The following BBS1 variants were observed in gnomAD, a reference collection of about 807,000 sequenced individuals.
The protein encoded by BBS1 is Bardet-Biedl syndrome 1.
BBS1 carries 60 observed loss-of-function variants against 73.9 expected under a neutral mutation model. That is an observed-to-expected ratio of 0.81 (90% confidence interval 0.66 to 1.01). The LOEUF is 1.01. BBS1 is among the 50% of genes least tolerant of loss of function. BBS1 has a pLI of 0.00. For missense variants in BBS1, 718 were observed against 770.3 expected (o/e 0.93, Z 0.80); for synonymous variants, 283 against 317.4 (o/e 0.89, Z 1.15).
At chr11:66,511,166 G>C in intron 2 of BBS1, 39 bp from the exon 3 acceptor site, 3 of 1,614,058 alleles carry the variant, frequency 1.9e-6, no homozygotes, top group Non-Finnish European at 2.5e-6. Context: ...GAAGCCTCTG[G>C]GATTCTGAGA....
chr11:66,520,485 C>G (rs1357318093), intron 8 of BBS1: 1 of 153,292 alleles, frequency 6.5e-6, no homozygotes, highest in African/African-American at 2.4e-5. Flanking sequence ...GGGTATCACC[C>G]TGTTGGCCAG....
chr11:66,530,447 C>G (rs891392303), intron 14 of BBS1, among the ~76,000 whole-genome samples: 1 of 152,110 alleles, frequency 6.6e-6, no homozygotes, highest in African/African-American at 2.4e-5. Context: ...GGGCTCGGAC[C>G]AGCCCTAAAT....
In BBS1 at chr11:66,526,735, A is replaced by G; in HGVS notation, c.1267A>G (p.Met423Val). The G allele has an allele frequency of 6.2e-7, 1 of 1,614,248 alleles. No homozygotes were observed. The highest frequency in any genetic ancestry group is 8.5e-7 in the Non-Finnish European group (1 of 1,180,036). The change falls in exon 13 of 17, where the codon ATG becomes GTG. Residue 423 changes from methionine (M) to valine (V), a missense_variant. Coordinates refer to ENST00000318312, the MANE Select transcript of BBS1 (RefSeq NM_024649.5). ...SEVGPPPAQA[M>V]KLNVPRKTRL... ...GGTGGGTCCCCCACCAGCCCAGGCC[A>G]TGAAACTCAATGTGCCCCGAAAGAC...
At chr11:66,526,619 C>A (rs1856507664) in intron 12 of BBS1, 30 bp from the exon 13 acceptor site, 2 of 1,614,020 alleles carry the variant, frequency 1.2e-6, no homozygotes, top group African/African-American at 2.7e-5. Flanking sequence ...CTGGGGAGGA[C>A]AAATCCATTT....
intron 5 of BBS1, 35 bp downstream of exon 5, chr11:66,515,621 C>A: frequency 6.2e-7 from 1 of 1,614,210 alleles, no homozygotes; most frequent in Non-Finnish European, 8.5e-7. Context: ...ACCCCCCTCA[C>A]TCCTTCATCC....
chr11:66,530,925 C>G lies in BBS1; in HGVS notation c.1505C>G (p.Thr502Arg). 1 of 1,614,232 alleles carries G rather than the reference C, an allele frequency of 6.2e-7. No individual in the cohort carries two copies. The highest frequency in any genetic ancestry group is 8.5e-7 in the Non-Finnish European group (1 of 1,180,040). The change falls in exon 15 of 17, where the codon ACA becomes AGA. Residue 502 changes from threonine (T) to arginine (R), a missense_variant. Thr to Arg is a moderately conservative substitution (Grantham distance 71, BLOSUM62 -1). Coordinates refer to ENST00000318312, the MANE Select transcript of BBS1 (RefSeq NM_024649.5). ...GGCCTTGGCCCCACCTTTAAGCTCA[C>G]ACTTCACCTGCAGAACACCTCAACA... ...VQGLGPTFKLTLHLQNTSTTR... is the reference protein window; with the variant it reads ...VQGLGPTFKLRLHLQNTSTTR...
At position 66,523,336 on chromosome 11, in the gene BBS1, C is replaced by A. The variant is rs1028585617; in HGVS notation, c.831-120C>A. ...GCAGAAGTGGAAATAATCCCAGGGT[C>A]ATCTGCTTTGGGGCCAGTGTTCCTC... On this transcript the variant is annotated intron_variant, in intron 9 of 16. Transcript: ENST00000318312. 3.6e-6 allele frequency: 5 copies of A among 1,383,794 alleles called. No homozygotes were observed. The African/African-American group carries it at 4.3e-5, about 12-fold the overall frequency. The allele number at this position is 1,383,794 out of a possible 1,614,324, so 85.7% of individuals were successfully genotyped here. A position where few individuals can be genotyped will look rare whatever the true frequency, so the allele number is the denominator to read the frequency against.
At chr11:66,518,454 C>CTT (rs1295351522) in intron 7 of BBS1, among the ~76,000 whole-genome samples, 5 of 133,604 alleles carry the variant, frequency 3.7e-5, no homozygotes, top group Admixed American at 7.5e-5. Flanking sequence ...GATGAGGTTT[C>CTT]TTTTTTTTTT....
intron 7 of BBS1, among the ~76,000 whole-genome samples, chr11:66,517,915 T>C (rs906508337): frequency 6.6e-6 from 1 of 151,098 alleles, no homozygotes; most frequent in African/African-American, 2.4e-5. Flanking sequence ...TATATTCATA[T>C]ATTTTTAAAA....
At chr11:66,516,186 C>A (rs1856046599) in intron 7 of BBS1, among the ~76,000 whole-genome samples, 4 of 139,830 alleles carry the variant, frequency 2.9e-5, no homozygotes, top group Admixed American at 1.5e-4. Flanking sequence ...AGTACAGTGG[C>A]ACAATCTCAG....
chr11:66,530,066 G>A (rs917798777), intron 14 of BBS1, 114 bp downstream of exon 14: 16 of 1,449,632 alleles, frequency 1.1e-5, no homozygotes, highest in East Asian at 2.5e-5. Context: ...AACTCAGCCC[G>A]TGCTCCCCAT....
chr11:66,522,382 C>G (rs1037625558), intron 9 of BBS1, among the ~76,000 whole-genome samples: 2 of 149,646 alleles, frequency 1.3e-5, no homozygotes, highest in Non-Finnish European at 3.0e-5. Flanking sequence ...GAGTCTCACT[C>G]TGTCACCCAG....
In BBS1 at chr11:66,532,003, A is replaced by G. The variant is rs747099228; in HGVS notation, c.1748A>G (p.Asn583Ser). ...GCACCCCTGCTGAGTGCCCACGTCA[A>G]CATGCCTGGGAGCGAGGGGCTGGCG... Reference protein sequence around the residue: ...QSAPLLSAHVNMPGSEGLAAA With the variant: ...QSAPLLSAHVSMPGSEGLAAA Residue 583 changes from asparagine (N) to serine (S), a missense_variant, in exon 17 of 17, where the codon AAC becomes AGC. Transcript: ENST00000318312. 1 of 1,608,462 alleles carries G rather than the reference A, an allele frequency of 6.2e-7. No individual in the cohort carries two copies.
At position 66,519,709 on chromosome 11, in the gene BBS1, C is replaced by G; in HGVS notation, c.684C>G (p.Leu228=). ...TGCTGGGCACCGAGAACAAGGAGCTCCTGGTGCTTGACCCCGAGGCCTTCA... is the reference window on the plus strand; with the variant it reads ...TGCTGGGCACCGAGAACAAGGAGCTGCTGGTGCTTGACCCCGAGGCCTTCA... ...CLVLGTENKE[L]LVLDPEAFTI... The change falls in exon 8 of 17, where the codon CTC becomes CTG. Residue 228 remains leucine, a synonymous_variant. Coordinates refer to ENST00000318312, the MANE Select transcript of BBS1 (RefSeq NM_024649.5). 6.2e-7 allele frequency: 1 copy of G among 1,613,784 alleles called. No homozygotes were observed. The highest frequency in any genetic ancestry group is 8.5e-7 in the Non-Finnish European group (1 of 1,179,976).
At chr11:66,515,306 AAC>A (rs1856025325) in intron 4 of BBS1, among the ~76,000 whole-genome samples, 1 of 152,152 alleles carries the variant, frequency 6.6e-6, no homozygotes, top group South Asian at 2.1e-4. Context: ...GAGGACTGGA[AAC>A]ACCAAGAGAG....
chr11:66,530,306 G>A (rs1396210318), intron 14 of BBS1, among the ~76,000 whole-genome samples: 1 of 152,154 alleles, frequency 6.6e-6, no homozygotes, highest in Non-Finnish European at 1.5e-5. Context: ...GTAACTGTGG[G>A]CAGCCCAACG....
chr11:66,531,867 C>G, intron 16 of BBS1, 84 bp from the exon 17 acceptor site: 1 of 1,591,918 alleles, frequency 6.3e-7, no homozygotes, highest in East Asian at 2.3e-5. Context: ...CAGTGGAGCC[C>G]TGTGGCCTGT....
At chr11:66,516,134 T>C (rs1470119323) in intron 7 of BBS1, among the ~76,000 whole-genome samples, 1 of 147,378 alleles carries the variant, frequency 6.8e-6, no homozygotes, top group Non-Finnish European at 1.5e-5. Context: ...TTTTTTTTTT[T>C]TTTTTTTTTT....
chr11:66,532,067 A>C lies in BBS1; in HGVS notation c.*30A>C, dbSNP rs1416523940. On this transcript the variant is annotated 3_prime_UTR_variant, in exon 17 of 17. Transcript: ENST00000318312. ...TGAGCTGCTGTGAAAGCCCCTGCAC[A>C]ATCAGCCAGGGAGAACTGGGCGGGT... 6.3e-7 allele frequency: 1 copy of C among 1,578,196 alleles called. No individual in the cohort carries two copies. The highest frequency in any genetic ancestry group is 8.6e-7 in the Non-Finnish European group (1 of 1,163,058).
Sources: gnomAD v4.1 joint callset for allele counts (sites outside exome capture counted in the v4.1 genomes callset) on GRCh38, gnomAD v4.1.1 for gene constraint, MANE v1.5 for transcripts, NCBI Gene and HGNC (gene_info 2026-07-23, HGNC 2026-07-21) for gene names.